KCNG2: variants seen among roughly 807,000 people sequenced by gnomAD.
KCNG2 encodes potassium voltage-gated channel modifier subfamily G member 2, also known as voltage-gated potassium channel regulatory subunit KCNG2.
In KCNG2, 7 loss-of-function variants were observed where a neutral mutation model predicts 12.3. The observed-to-expected ratio is 0.57, with a 90% CI of 0.32 to 1.07. The LOEUF is 1.07. Among genes scored for constraint, KCNG2 ranks in the 50% least tolerant of loss-of-function variants. KCNG2 has a pLI of 0.04. For synonymous variants in KCNG2, 414 were observed against 351.4 expected, an observed-to-expected ratio of 1.18 and a Z score of -1.99; for missense variants, 703 against 726.0, an observed-to-expected ratio of 0.97 and a Z score of 0.36.
chr18:79,857,416 C>T (rs1371498548), intron 2 of KCNG2, among the ~76,000 whole-genome samples: 1 of 151,932 alleles, frequency 6.6e-6, no homozygotes, highest in Non-Finnish European at 1.5e-5. Flanking sequence ...TGAGCTCTTA[C>T]TGGCAAGCTA....
intron 3 of KCNG2, among the ~76,000 whole-genome samples, chr18:79,873,670 T>A (rs990728801): frequency 6.6e-6 from 1 of 152,060 alleles, no homozygotes; most frequent in African/African-American, 2.4e-5. Flanking sequence ...ATGTCCTCAG[T>A]GTCTGTTCGC....
chr18:79,896,924 C>T (rs1416693565), intron 3 of KCNG2, among the ~76,000 whole-genome samples: 1 of 152,180 alleles, frequency 6.6e-6, no homozygotes, highest in Non-Finnish European at 1.5e-5. Flanking sequence ...TTATGGCTTG[C>T]AGTGTTTCTG....
In KCNG2 at chr18:79,803,362, G is replaced by A. The variant is rs1599360438; in HGVS notation, c.-115+5348G>A. ...GGTTCACAGCCACTTCAAGATGACA[G>A]TTTCTGACTGTGAACAAATTTCCTT... On this transcript the variant is annotated intron_variant, in intron 1 of 3. Transcript: ENST00000316249. The surrounding 1 kb of genome is among the most constrained non-coding windows in gnomAD (Gnocchi z 4.5). Among the ~76,000 whole-genome samples, 1 of 152,182 alleles carries A rather than the reference G, an allele frequency of 6.6e-6. No homozygotes were observed. The highest frequency in any genetic ancestry group is 1.9e-4 in the East Asian group (1 of 5,194).
At chr18:79,816,978 C>T (rs960931716) in intron 1 of KCNG2, among the ~76,000 whole-genome samples, 1 of 152,166 alleles carries the variant, frequency 6.6e-6, no homozygotes, top group Non-Finnish European at 1.5e-5. Flanking sequence ...CACAAGGCTG[C>T]CACTCACATG....
In KCNG2 at chr18:79,899,036, G is replaced by C. The variant is rs756303972; in HGVS notation, c.625-4G>C. 6.5e-7 allele frequency: 1 copy of C among 1,539,954 alleles called. No homozygotes were observed. Among genetic ancestry groups the C allele is most frequent in the Middle Eastern group, 1.7e-4 (1 of 5,808 alleles). On this transcript the variant is annotated splice_region_variant and splice_polypyrimidine_tract_variant and intron_variant, in intron 3 of 3. Transcript: ENST00000316249. ...CCCCAACCCCGTGTCCCCTCTCCCC[G>C]CAGGGCGAGTGCTCCCCCAAGTGCC...
intron 2 of KCNG2, among the ~76,000 whole-genome samples, chr18:79,861,593 G>C (rs962398557): frequency 8.5e-5 from 13 of 152,206 alleles, no homozygotes; most frequent in Admixed American, 8.5e-4. Flanking sequence ...TCTTTAGACA[G>C]TTTGTGGTGT....
intron 1 of KCNG2, among the ~76,000 whole-genome samples, chr18:79,807,673 C>A (rs1428643642): frequency 2.6e-5 from 4 of 152,194 alleles, no homozygotes; most frequent in South Asian, 4.1e-4. Context: ...CTGTGAAGCC[C>A]CCACCTCAGC....
chr18:79,898,012 G>A (rs34977373), intron 3 of KCNG2, among the ~76,000 whole-genome samples: 50,881 of 151,868 alleles, frequency 0.34, 10,607 homozygotes, highest in Non-Finnish European at 0.47. Flanking sequence ...ACCCCAGGAG[G>A]GCTCCTGCCA....
intron 3 of KCNG2, among the ~76,000 whole-genome samples, chr18:79,875,436 A>G (rs1446371056): frequency 6.6e-6 from 1 of 152,134 alleles, no homozygotes; most frequent in Non-Finnish European, 1.5e-5. Flanking sequence ...CTCCACATAC[A>G]AAGAGATTGT....
rs1191506901 is a variant in KCNG2, at chr18:79,822,995, A to AG, written c.-115+24983dup. Among the ~76,000 whole-genome samples the AG allele has an allele frequency of 2.0e-5, 3 of 152,086 alleles. No homozygotes were observed. The highest frequency in any genetic ancestry group is 4.4e-5 in the Non-Finnish European group (3 of 68,014). On this transcript the variant is annotated intron_variant, in intron 1 of 3. Coordinates refer to ENST00000316249, the MANE Select transcript of KCNG2 (RefSeq NM_012283.2). This position sits in a 1 kb window ranked among gnomAD's most constrained non-coding sequence, Gnocchi z 4.4. ...GGCTTTAGGAGTCACTGCCTCTGGAAGGCCCTTCCCACCTCCCTCCATGGG... is the reference window on the plus strand; with the variant it reads ...GGCTTTAGGAGTCACTGCCTCTGGAAGGGCCCTTCCCACCTCCCTCCATGGG...
In KCNG2 at chr18:79,884,990, A is replaced by G. The variant is rs745809403; in HGVS notation, c.625-14050A>G. On this transcript the variant is annotated intron_variant, in intron 3 of 3. Transcript: ENST00000316249. This position sits in a 1 kb window ranked among gnomAD's most constrained non-coding sequence, Gnocchi z 5.5. ...GCGGTCCACTTTCCCTCCCCAAAGAAGCGCTTGCCCAACTCTCGGGGTGCT... is the reference window on the plus strand; with the variant it reads ...GCGGTCCACTTTCCCTCCCCAAAGAGGCGCTTGCCCAACTCTCGGGGTGCT... 2.0e-5 allele frequency among the ~76,000 whole-genome samples: 3 copies of G among 152,112 alleles called. No individual in the cohort carries two copies. The highest frequency in any genetic ancestry group is 4.4e-5 in the Non-Finnish European group (3 of 68,010).
At chr18:79,852,260 GAAA>G (rs1401349889) in intron 1 of KCNG2, among the ~76,000 whole-genome samples, 3 of 152,252 alleles carry the variant, frequency 2.0e-5, no homozygotes, top group Non-Finnish European at 4.4e-5. Context: ...CCGCCCCGGG[GAAA>G]ACGTGGCGTG....
At chr18:79,897,986 G>T (rs1421308557) in intron 3 of KCNG2, among the ~76,000 whole-genome samples, 2 of 152,098 alleles carry the variant, frequency 1.3e-5, no homozygotes, top group Non-Finnish European at 1.5e-5. Context: ...TTCTGAGAGT[G>T]CCTGACATTG....
At position 79,858,554 on chromosome 18, in the gene KCNG2, CAT is replaced by C. The variant is rs146425824; in HGVS notation, c.-41+2103_-41+2104del. Reference sequence around the variant, plus strand: ...TTATGTACAAGTTTTTGTGTGAACACATGTTTTCATTTGTCTTGAGTGTACAT... The same window carrying C: ...TTATGTACAAGTTTTTGTGTGAACACGTTTTCATTTGTCTTGAGTGTACAT... On this transcript the variant is annotated intron_variant, in intron 2 of 3. Transcript: ENST00000316249. 4.3e-4 allele frequency among the ~76,000 whole-genome samples: 66 copies of C among 152,276 alleles called. 1 individual carries two copies. The East Asian group carries it at 0.011, about 24-fold the overall frequency.
intron 1 of KCNG2, among the ~76,000 whole-genome samples, chr18:79,853,391 G>A (rs1428008860): frequency 1.3e-5 from 2 of 152,170 alleles, no homozygotes; most frequent in African/African-American, 2.4e-5. Flanking sequence ...GTCACCGTAG[G>A]CGTCACTGAG....
At chr18:79,868,166 G>A (rs569185088) in intron 3 of KCNG2, among the ~76,000 whole-genome samples, 17 of 152,312 alleles carry the variant, frequency 1.1e-4, no homozygotes, top group Admixed American at 9.2e-4. Flanking sequence ...AGCTACAGAA[G>A]TCACCCCAGG....
intron 1 of KCNG2, among the ~76,000 whole-genome samples, chr18:79,823,043 ATCC>A (rs1363121694): frequency 6.6e-6 from 1 of 152,100 alleles, no homozygotes; most frequent in Non-Finnish European, 1.5e-5. Context: ...GTTTCTGTTC[ATCC>A]TCCTCTGTTC....
intron 3 of KCNG2, among the ~76,000 whole-genome samples, chr18:79,872,280 G>GTTT (rs1162742507): frequency 0.1 from 7,499 of 72,402 alleles, 1,405 homozygotes; most frequent in Middle Eastern, 0.2. Flanking sequence ...CAAAGCTTCA[G>GTTT]TTTTTTTTTT....
At chr18:79,809,916 T>C (rs1347081290) in intron 1 of KCNG2, among the ~76,000 whole-genome samples, 1 of 152,234 alleles carries the variant, frequency 6.6e-6, no homozygotes, top group Non-Finnish European at 1.5e-5. Context: ...ACGCTCCAAC[T>C]TTCCGGGGCT....
Sources: allele counts gnomAD v4.1 joint callset (sites outside exome capture counted in the v4.1 genomes callset), GRCh38; gene constraint gnomAD v4.1.1; non-coding constraint Gnocchi (gnomAD v3.1); transcripts MANE v1.5; gene names NCBI Gene and HGNC (gene_info 2026-07-23, HGNC 2026-07-21).